Variants in SLC4A7 observed in about 807,000 individuals in gnomAD.
SLC4A7 encodes sodium bicarbonate cotransporter 3.
Under a neutral mutation model 137.6 loss-of-function variants are expected in SLC4A7, and 51 were observed. That is an observed-to-expected ratio of 0.37 (90% CI 0.30 to 0.47). The LOEUF (loss-of-function observed/expected upper bound fraction) is 0.47, where lower values mean the gene tolerates loss of function less well. SLC4A7 is among the 20% of genes least tolerant of loss of function. The probability of loss-of-function intolerance (pLI) is 1.00; values close to 1 mark genes in which losing one functional copy is unlikely to be tolerated. For synonymous variants in SLC4A7, 542 were observed against 518.6 expected (o/e 1.05, Z -0.61); for missense variants, 1,247 against 1,525.4 (o/e 0.82, Z 3.04).
chr3:27,472,996 T>C lies in SLC4A7; in HGVS notation c.60+11071A>G, dbSNP rs529845632. 2.0e-5 allele frequency among the ~76,000 whole-genome samples: 3 copies of C among 151,850 alleles called. No individual in the cohort carries two copies. In the South Asian group the frequency reaches 6.3e-4, roughly 32 times the overall value. ...TCGGGAGGCTGAGGCAGGGGAATCGTTTGAATCTGGGAGTCGGAGGTTGCA... is the reference window on the plus strand; with the variant it reads ...TCGGGAGGCTGAGGCAGGGGAATCGCTTGAATCTGGGAGTCGGAGGTTGCA... On this transcript the variant is annotated intron_variant, in intron 1 of 25. Transcript: ENST00000454389.
At chr3:27,402,611 A>C (rs1264031460) in intron 15 of SLC4A7, among the ~76,000 whole-genome samples, 1 of 152,088 alleles carries the variant, frequency 6.6e-6, no homozygotes. Flanking sequence ...AGGCAGGAAG[A>C]TCACTTGAAC....
intron 20 of SLC4A7, among the ~76,000 whole-genome samples, chr3:27,393,690 C>G (rs1469578006): frequency 6.6e-6 from 1 of 152,170 alleles, no homozygotes; most frequent in African/African-American, 2.4e-5. Flanking sequence ...ATCGTAATAT[C>G]ATTTATGTGT....
Position 27,400,275 on chromosome 3 carries a change from G to A in SLC4A7, c.2427+489C>T, listed in dbSNP as rs1013124285. Among the ~76,000 whole-genome samples the A allele has an allele frequency of 2.0e-5, 3 of 152,090 alleles. No homozygotes were observed. The East Asian group carries it at 5.8e-4, about 29-fold the overall frequency. On this transcript the variant is annotated intron_variant, in intron 16 of 25. Transcript: ENST00000454389. ...TCTTTTTCCTTTCTCTTCCCTTAAT[G>A]TTCGACCCAGACTAGTCTTGATGAG...
At chr3:27,401,121 T>C (rs2052703163) in intron 15 of SLC4A7, 1 of 283,310 alleles carries the variant, frequency 3.5e-6, no homozygotes, top group Admixed American at 5.1e-5. Flanking sequence ...GTGAGGGCAC[T>C]ATTTTACTTA....
chr3:27,375,948 G>T lies in SLC4A7; in HGVS notation c.*816C>A, dbSNP rs1332454030. On this transcript the variant is annotated 3_prime_UTR_variant, in exon 26 of 26. Coordinates refer to ENST00000454389, the MANE Select transcript of SLC4A7 (RefSeq NM_001321103.2). Reference sequence around the variant, plus strand: ...TTTTAAGACAAAGAGAGACAAGGCAGAGAACAGAGTGGGAATCATTGGCTT... The same window carrying T: ...TTTTAAGACAAAGAGAGACAAGGCATAGAACAGAGTGGGAATCATTGGCTT... 6.6e-6 allele frequency: 1 copy of T among 152,004 alleles called. No individual in the cohort carries two copies. The highest frequency in any genetic ancestry group is 1.5e-5 in the Non-Finnish European group (1 of 67,914). 9.4% of individuals were successfully genotyped at this position (152,004 alleles called of 1,614,324 possible).
chr3:27,428,159 T>C (rs2055854363), intron 7 of SLC4A7: 2 of 153,050 alleles, frequency 1.3e-5, no homozygotes, highest in Non-Finnish European at 2.9e-5. Context: ...ATTTTTAGGG[T>C]TGTTTTCCTC....
At chr3:27,442,473 T>C (rs993778657) in intron 3 of SLC4A7, among the ~76,000 whole-genome samples, 3 of 148,616 alleles carry the variant, frequency 2.0e-5, no homozygotes, top group Admixed American at 6.8e-5. Flanking sequence ...AGCGTCTCAC[T>C]CCCAGGATGG....
chr3:27,421,655 A>C lies in SLC4A7; in HGVS notation c.1391T>G (p.Leu464Arg), dbSNP rs768146978. Residue 464 changes from leucine (L) to arginine (R), a missense_variant, in exon 9 of 26, where the codon CTT becomes CGT. Around this residue, in one of 6 missense-constraint regions of SLC4A7, gnomAD observed 499 missense variants for 664.2 expected, o/e 0.75. Transcript: ENST00000454389. The part of the protein sequence containing the change: ...AFVRLAPAVL[L>R]TGLTEVPVPT... ...AACAGGGACCTCAGTCAACCCTGTAAGGAGGACAGCAGGAGCCAGTCTCAC... is the reference window on the plus strand; with the variant it reads ...AACAGGGACCTCAGTCAACCCTGTACGGAGGACAGCAGGAGCCAGTCTCAC... 6.2e-7 allele frequency: 1 copy of C among 1,614,032 alleles called. No individual in the cohort carries two copies. Among genetic ancestry groups the C allele is most frequent in the South Asian group, 1.1e-5 (1 of 91,056 alleles).
At chr3:27,387,856 G>A (rs951776882) in intron 22 of SLC4A7, among the ~76,000 whole-genome samples, 3 of 152,142 alleles carry the variant, frequency 2.0e-5, no homozygotes, top group African/African-American at 4.8e-5. Context: ...CCCGCTGGAG[G>A]CTTCAGAAAG....
chr3:27,398,068 C>G (rs900671639), intron 17 of SLC4A7, 124 bp downstream of exon 17: 2 of 695,652 alleles, frequency 2.9e-6, no homozygotes, highest in Admixed American at 6.0e-5. Context: ...CGAATAATTT[C>G]TTTATTAACC....
intron 22 of SLC4A7, among the ~76,000 whole-genome samples, chr3:27,386,725 C>T (rs2370995): frequency 0.21 from 32,472 of 152,062 alleles, 3,548 homozygotes; most frequent in Non-Finnish European, 0.25. Context: ...TTAATTATCA[C>T]GTCAAATATA....
intron 24 of SLC4A7, among the ~76,000 whole-genome samples, chr3:27,379,898 A>C (rs140815923): frequency 3.5e-3 from 538 of 152,332 alleles, no homozygotes; most frequent in African/African-American, 0.012. Flanking sequence ...ATTGAAAACA[A>C]AGCTCTGAAA....
chr3:27,385,423 T>TA (rs533929922), intron 23 of SLC4A7, among the ~76,000 whole-genome samples: 1 of 152,164 alleles, frequency 6.6e-6, no homozygotes, highest in Non-Finnish European at 1.5e-5. Flanking sequence ...GATAATTACT[T>TA]AAAAATCCTT....
At chr3:27,428,569 A>G (rs900234485) in intron 7 of SLC4A7, among the ~76,000 whole-genome samples, 1 of 152,214 alleles carries the variant, frequency 6.6e-6, no homozygotes. Flanking sequence ...GCCAATAGAA[A>G]GAGAGGTTTA....
intron 18 of SLC4A7, 106 bp downstream of exon 18, chr3:27,397,578 A>G (rs1220958937): frequency 1.5e-6 from 1 of 657,062 alleles, no homozygotes; most frequent in Non-Finnish European, 2.7e-6. Context: ...CAGCCCTTCA[A>G]AGAGACTACA....
chr3:27,425,867 G>A (rs1387709067), intron 7 of SLC4A7, among the ~76,000 whole-genome samples: 3 of 151,830 alleles, frequency 2.0e-5, no homozygotes, highest in South Asian at 2.1e-4. Flanking sequence ...CATTATAGGA[G>A]GAAAAGGTAC....
chr3:27,379,113 A>G, intron 25 of SLC4A7, 136 bp downstream of exon 25: 1 of 573,910 alleles, frequency 1.7e-6, no homozygotes, highest in East Asian at 2.9e-5. Flanking sequence ...AAATTAAAAG[A>G]CAAAAACATA....
chr3:27,472,062 T>C (rs1276838535), intron 1 of SLC4A7, among the ~76,000 whole-genome samples: 1 of 152,188 alleles, frequency 6.6e-6, no homozygotes, highest in East Asian at 1.9e-4. Flanking sequence ...GCTACCAAAT[T>C]ACAATCTTAA....
chr3:27,483,977 A>C, intron 1 of SLC4A7, 90 bp downstream of exon 1: 1 of 1,048,598 alleles, frequency 9.5e-7, no homozygotes, highest in Non-Finnish European at 1.2e-6. Flanking sequence ...GAGGTGGCCG[A>C]GCCGCGACGC....
Sources: allele counts gnomAD v4.1 joint callset (sites outside exome capture counted in the v4.1 genomes callset), GRCh38; gene constraint gnomAD v4.1.1; regional missense constraint gnomAD v4.1.1; transcripts MANE v1.5; gene names NCBI Gene and HGNC (gene_info 2026-07-23, HGNC 2026-07-21).